KLHL1: variants seen among roughly 807,000 people sequenced by gnomAD.
KLHL1 encodes kelch-like protein 1.
In KLHL1, 47 loss-of-function variants were observed where a neutral mutation model predicts 77.7. The ratio of observed to expected loss-of-function variants is 0.60; its 90% CI spans 0.48 to 0.77. The LOEUF is 0.77. Among genes scored for constraint, KLHL1 ranks in the 30% least tolerant of loss-of-function variants. KLHL1 has a pLI of 0.00. For synonymous variants in KLHL1, 360 were observed against 325.2 expected, an observed-to-expected ratio of 1.11 and a Z score of -1.15; for missense variants, 925 against 910.8, an observed-to-expected ratio of 1.02 and a Z score of -0.20.
chr13:69,870,624 A>G lies in KLHL1; in HGVS notation c.1227+11659T>C, dbSNP rs370732209. Among the ~76,000 whole-genome samples the G allele has an allele frequency of 1.8e-3, 279 of 152,080 alleles. 3 individuals carry two copies. The highest frequency in any genetic ancestry group is 6.5e-3 in the African/African-American group (269 of 41,510). On this transcript the variant is annotated intron_variant, in intron 5 of 10. Transcript: ENST00000377844. ...CAAGGCAAGTTACAGCTGTGATCCT[A>G]CAAAATAAAAATATATATATATTAT...
intron 8 of KLHL1, among the ~76,000 whole-genome samples, chr13:69,732,573 T>C (rs1873593661): frequency 6.6e-6 from 1 of 152,172 alleles, no homozygotes; most frequent in South Asian, 2.1e-4. Flanking sequence ...CCTGGTTCCC[T>C]GTTAGGATCT....
At chr13:69,938,452 G>C (rs1290803102) in intron 4 of KLHL1, among the ~76,000 whole-genome samples, 5 of 151,880 alleles carry the variant, frequency 3.3e-5, no homozygotes, top group Non-Finnish European at 7.4e-5. Flanking sequence ...AAAAAAATTT[G>C]TTACTATTGT....
At chr13:70,002,183 G>A (rs1399280445) in intron 1 of KLHL1, among the ~76,000 whole-genome samples, 11 of 151,404 alleles carry the variant, frequency 7.3e-5, no homozygotes, top group African/African-American at 2.7e-4. Context: ...TTATAATGCA[G>A]TTAAAATTAC....
At chr13:70,000,350 T>A (rs1345496068) in intron 1 of KLHL1, among the ~76,000 whole-genome samples, 1 of 151,966 alleles carries the variant, frequency 6.6e-6, no homozygotes, top group African/African-American at 2.4e-5. Flanking sequence ...AAAATGTTTT[T>A]AAATTCATAA....
At chr13:70,060,860 A>T (rs1886863523) in intron 1 of KLHL1, among the ~76,000 whole-genome samples, 1 of 151,478 alleles carries the variant, frequency 6.6e-6, no homozygotes. Context: ...AGAAAAAAAA[A>T]ATGTGGTATA....
intron 5 of KLHL1, among the ~76,000 whole-genome samples, chr13:69,841,433 G>GA (rs200731019): frequency 1.1e-4 from 16 of 142,516 alleles, no homozygotes; most frequent in East Asian, 6.1e-4. Context: ...ATCTAGTTGA[G>GA]AAAAAAAAAC....
chr13:69,833,629 T>G (rs1004269930), intron 6 of KLHL1, among the ~76,000 whole-genome samples: 3 of 151,764 alleles, frequency 2.0e-5, no homozygotes, highest in Non-Finnish European at 4.4e-5. Flanking sequence ...TTCAAAGAAG[T>G]CATTATATGA....
chr13:69,790,658 T>C (rs931296395), intron 7 of KLHL1, among the ~76,000 whole-genome samples: 1 of 152,168 alleles, frequency 6.6e-6, no homozygotes, highest in African/African-American at 2.4e-5. Context: ...AAATTTTAAT[T>C]TAATATACTC....
At chr13:69,966,739 T>C (rs184025628) in intron 2 of KLHL1, among the ~76,000 whole-genome samples, 2 of 152,250 alleles carry the variant, frequency 1.3e-5, no homozygotes, top group Admixed American at 1.3e-4. Context: ...CCATTAATCA[T>C]TTTTTCACCT....
chr13:69,923,677 T>A (rs17085652), intron 4 of KLHL1, among the ~76,000 whole-genome samples: 4,599 of 152,230 alleles, frequency 0.03, 125 homozygotes, highest in African/African-American at 0.071. Context: ...GGAGAGTTAG[T>A]GAGAGACAAT....
At chr13:70,023,293 G>A (rs2119584) in intron 1 of KLHL1, among the ~76,000 whole-genome samples, 129,572 of 151,744 alleles carry the variant, frequency 0.85, 55,693 homozygotes, top group East Asian at 0.92. Context: ...CTCTCTCTAC[G>A]TGTGTGTACC....
intron 8 of KLHL1, among the ~76,000 whole-genome samples, chr13:69,740,107 A>C (rs1873922610): frequency 6.6e-6 from 1 of 152,216 alleles, no homozygotes; most frequent in African/African-American, 2.4e-5. Flanking sequence ...ATTGAACACC[A>C]AACTTTTAGT....
intron 3 of KLHL1, among the ~76,000 whole-genome samples, chr13:69,943,329 C>A (rs1233416327): frequency 6.6e-6 from 1 of 151,870 alleles, no homozygotes; most frequent in African/African-American, 2.4e-5. Context: ...ATAAAAAAGA[C>A]TATTATATTT....
intron 8 of KLHL1, among the ~76,000 whole-genome samples, chr13:69,735,845 T>G (rs1593784441): frequency 6.6e-6 from 1 of 152,092 alleles, no homozygotes; most frequent in African/African-American, 2.4e-5. Flanking sequence ...TACCAAAGTT[T>G]AATTTAGAGG....
chr13:69,896,297 G>A lies in KLHL1; in HGVS notation c.1015-13802C>T, dbSNP rs188446543. Among the ~76,000 whole-genome samples the A allele has an allele frequency of 3.4e-3, 520 of 152,114 alleles. 5 individuals are homozygous for A. In the Middle Eastern group the frequency reaches 0.038, roughly 11 times the overall value. The stretch of plus-strand genomic sequence containing the variant: ...ACTTCTGGCTTCCTCTTCTGCTTTT[G>A]CAGACTCATGCCGCTACACTTGACT... On this transcript the variant is annotated intron_variant, in intron 4 of 10. Transcript: ENST00000377844.
chr13:69,739,369 A>T (rs371974371), intron 8 of KLHL1, among the ~76,000 whole-genome samples: 1 of 152,200 alleles, frequency 6.6e-6, no homozygotes, highest in South Asian at 2.1e-4. Context: ...ACCAGACAGC[A>T]TTATGATGTC....
intron 10 of KLHL1, among the ~76,000 whole-genome samples, chr13:69,703,774 T>G (rs538301616): frequency 1.3e-5 from 2 of 151,890 alleles, no homozygotes; most frequent in African/African-American, 4.8e-5. Context: ...CCTAGAATAC[T>G]CATTACGGTA....
intron 6 of KLHL1, among the ~76,000 whole-genome samples, chr13:69,833,104 T>C (rs1878828241): frequency 6.6e-6 from 1 of 152,010 alleles, no homozygotes; most frequent in Non-Finnish European, 1.5e-5. Context: ...GATAAATAGA[T>C]AGGCCTTAAT....
chr13:69,929,642 T>C (rs1882934292), intron 4 of KLHL1, among the ~76,000 whole-genome samples: 1 of 151,912 alleles, frequency 6.6e-6, no homozygotes, highest in South Asian at 2.1e-4. Flanking sequence ...ATGAATGTCA[T>C]AAATTCTAGT....
Sources: allele counts gnomAD v4.1 joint callset (sites outside exome capture counted in the v4.1 genomes callset), GRCh38; gene constraint gnomAD v4.1.1; transcripts MANE v1.5; gene names NCBI Gene and HGNC (gene_info 2026-07-23, HGNC 2026-07-21).